The following MUC13 variants were observed in gnomAD, a reference collection of about 807,000 sequenced individuals.
The protein encoded by MUC13 is mucin-13.
A neutral mutation model predicts 48.3 loss-of-function variants in MUC13; 32 were observed. The ratio of observed to expected loss-of-function variants is 0.66; its 90% CI spans 0.50 to 0.89. The LOEUF (loss-of-function observed/expected upper bound fraction) is 0.89. Ranked by LOEUF, MUC13 falls within the 40% of genes least tolerant of loss-of-function variation. MUC13 has a pLI of 0.00. For missense variants in MUC13, 571 were observed against 622.8 expected, an observed-to-expected ratio of 0.92 and a Z score of 0.88; for synonymous variants, 199 against 224.9, an observed-to-expected ratio of 0.88 and a Z score of 1.03.
intron 1 of MUC13, among the ~76,000 whole-genome samples, chr3:124,931,268 TA>T (rs1935790616): frequency 6.6e-6 from 1 of 150,838 alleles, no homozygotes; most frequent in African/African-American, 2.4e-5. Context: ...CTGTCTCTAC[TA>T]AAAATACAAA....
At chr3:124,912,313 C>T (rs1304020680) in intron 8 of MUC13, 172 bp from the exon 9 acceptor site, 13 of 956,666 alleles carry the variant, frequency 1.4e-5, no homozygotes, top group Non-Finnish European at 2.0e-5. Context: ...TCCAGGAGAC[C>T]ACCTTCCATG....
intron 6 of MUC13, among the ~76,000 whole-genome samples, chr3:124,915,239 A>G (rs954153612): frequency 6.6e-6 from 1 of 152,154 alleles, no homozygotes; most frequent in Non-Finnish European, 1.5e-5. Context: ...TGGTGGGTTG[A>G]CTGCAGTCAT....
intron 4 of MUC13, among the ~76,000 whole-genome samples, chr3:124,920,754 C>T (rs1935580801): frequency 1.3e-5 from 2 of 152,236 alleles, no homozygotes; most frequent in Non-Finnish European, 1.5e-5. Context: ...GACCATTGCT[C>T]AGTAAAGCCA....
intron 6 of MUC13, among the ~76,000 whole-genome samples, chr3:124,915,394 A>C (rs150294683): frequency 2.6e-5 from 4 of 152,122 alleles, no homozygotes; most frequent in Non-Finnish European, 5.9e-5. Flanking sequence ...ATTGAATCTT[A>C]CCCTCTTGCT....
At chr3:124,912,828 C>T (rs984547997) in intron 8 of MUC13, among the ~76,000 whole-genome samples, 3 of 147,838 alleles carry the variant, frequency 2.0e-5, no homozygotes, top group African/African-American at 5.0e-5. Flanking sequence ...CCCAGCTACT[C>T]GGGAGGCTGA....
At position 124,922,308 on chromosome 3, in the gene MUC13, A is replaced by G. The variant is rs369186708; in HGVS notation, c.638-5T>C. ...TCTTCCCAGGGAATACCTTTCCTGA[A>G]AGTTAAGCAGAATCTTTCTGTACTA... On this transcript the variant is annotated splice_region_variant and splice_polypyrimidine_tract_variant and intron_variant, in intron 3 of 11. Coordinates refer to ENST00000616727, the MANE Select transcript of MUC13 (RefSeq NM_033049.4). 6.8e-6 allele frequency: 11 copies of G among 1,613,154 alleles called. No individual in the cohort carries two copies. Among genetic ancestry groups the G allele is most frequent in the Non-Finnish European group, 8.5e-6 (10 of 1,179,742 alleles).
At position 124,922,252 on chromosome 3, in the gene MUC13, G is replaced by T; in HGVS notation, c.689C>A (p.Pro230Gln). 6.2e-7 allele frequency: 1 copy of T among 1,614,080 alleles called. No homozygotes were observed. Among genetic ancestry groups the T allele is most frequent in the Non-Finnish European group, 8.5e-7 (1 of 1,179,996 alleles). Residue 230 changes from proline (P) to glutamine (Q), a missense_variant, in exon 4 of 12, where the codon CCA becomes CAA. By Grantham distance (76) the Pro-to-Gln change is moderately conservative. Coordinates refer to ENST00000616727, the MANE Select transcript of MUC13 (RefSeq NM_033049.4). The part of the protein sequence containing the change: ...ISVTVSETFD[P>Q]EEKHSMAYQD... ...ATAGGCCATGGAATGTTTCTCTTCT[G>T]GGTCAAATGTTTCTGATACTGTCAC...
chr3:124,916,017 C>T (rs1164359593), intron 6 of MUC13, among the ~76,000 whole-genome samples: 3 of 152,208 alleles, frequency 2.0e-5, no homozygotes, highest in Admixed American at 6.5e-5. Context: ...AATCTTTAAC[C>T]TGACATAAAG....
intron 5 of MUC13, among the ~76,000 whole-genome samples, chr3:124,918,299 T>C (rs1228419516): frequency 6.6e-6 from 1 of 152,212 alleles, no homozygotes; most frequent in Non-Finnish European, 1.5e-5. Flanking sequence ...GCATTTGCCC[T>C]GCACTGGCCC....
chr3:124,932,166 A>G (rs1935810264), intron 1 of MUC13, among the ~76,000 whole-genome samples: 1 of 152,240 alleles, frequency 6.6e-6, no homozygotes, highest in Admixed American at 6.5e-5. Flanking sequence ...TGGATGCTCA[A>G]TTTTTATTTC....
intron 5 of MUC13, among the ~76,000 whole-genome samples, chr3:124,919,953 A>G (rs1181446766): frequency 2.6e-5 from 4 of 152,216 alleles, no homozygotes; most frequent in Non-Finnish European, 5.9e-5. Context: ...ACAAACAAAG[A>G]GATCCAGATG....
chr3:124,934,440 G>T (rs1323381769), intron 1 of MUC13, among the ~76,000 whole-genome samples: 2 of 152,266 alleles, frequency 1.3e-5, no homozygotes, highest in African/African-American at 4.8e-5. Flanking sequence ...GATTACAGGC[G>T]TGAGCCACCG....
intron 6 of MUC13, 81 bp from the exon 7 acceptor site, chr3:124,913,762 T>G: frequency 6.5e-7 from 1 of 1,542,996 alleles, no homozygotes; most frequent in South Asian, 1.1e-5. Context: ...CCCACCCCAT[T>G]GCTGTTATAC....
At chr3:124,910,832 C>T (rs1935409496) in intron 9 of MUC13, among the ~76,000 whole-genome samples, 1 of 152,192 alleles carries the variant, frequency 6.6e-6, no homozygotes, top group Non-Finnish European at 1.5e-5. Context: ...GCTGCCTTTG[C>T]CTGCCCTCCA....
Position 124,913,640 on chromosome 3 carries a change from C to T in MUC13, c.1006G>A (p.Asp336Asn). The stretch of plus-strand genomic sequence containing the variant: ...CATGCTAAACCATTGAGGCAGTCAT[C>T]CGCAGTCTGGTTACAGCCATAATAA... ...CDYYGCNQTA[D>N]DCLNGLACDC... The change falls in exon 7 of 12, where the codon GAT (aspartate) becomes AAT (asparagine). Residue 336 changes from aspartate (D) to asparagine (N), a missense_variant. Asp to Asn is a conservative substitution (Grantham distance 23). Coordinates refer to ENST00000616727, the MANE Select transcript of MUC13 (RefSeq NM_033049.4). 6.2e-7 allele frequency: 1 copy of T among 1,614,164 alleles called. No individual in the cohort carries two copies. The highest frequency in any genetic ancestry group is 8.5e-7 in the Non-Finnish European group (1 of 1,180,016).
intron 8 of MUC13, among the ~76,000 whole-genome samples, chr3:124,912,532 A>G (rs1364588223): frequency 1.3e-5 from 2 of 152,198 alleles, no homozygotes; most frequent in Admixed American, 6.5e-5. Context: ...GATGTTATTT[A>G]CAATCAGTTT....
chr3:124,908,255 A>G lies in MUC13; in HGVS notation c.1431T>C (p.Leu477=). 1.2e-6 allele frequency: 2 copies of G among 1,614,164 alleles called. No individual in the cohort carries two copies. Among genetic ancestry groups the G allele is most frequent in the African/African-American group, 2.7e-5 (2 of 75,026 alleles). The change falls in exon 11 of 12, where the codon CTT becomes CTC. Residue 477 remains leucine (L), a synonymous_variant. Transcript: ENST00000616727. ...LKLRSTGFTN[L]GAEGSVFPKV... is the part of the protein sequence containing the mutation. ...TAGGAAAGACGCTCCCTTCTGCTCC[A>G]AGATTGGTGAAGCCTGTCGACCGCA... is the stretch of plus-strand genomic sequence containing the variant.
At chr3:124,911,164 A>G (rs1414428148) in intron 9 of MUC13, among the ~76,000 whole-genome samples, 4 of 152,166 alleles carry the variant, frequency 2.6e-5, no homozygotes, top group Admixed American at 6.5e-5. Flanking sequence ...CTTAAAATCA[A>G]CCTCATCTGT....
At position 124,927,824 on chromosome 3, in the gene MUC13, A is replaced by G. The variant is rs141273726; in HGVS notation, c.222T>C (p.Ile74=). ...GAATTGTGGAGGAACTATGTGTACT[A>G]ATTATGGGGGGAGCAGGTGAAGTAG... The part of the protein sequence containing the change: ...PTATSPAPPI[I]STHSSSTIPT... The change falls in exon 2 of 12, where the codon ATT becomes ATC. Residue 74 remains isoleucine, a synonymous_variant. Coordinates refer to ENST00000616727, the MANE Select transcript of MUC13 (RefSeq NM_033049.4). 9.7e-5 allele frequency: 157 copies of G among 1,613,632 alleles called. No homozygotes were observed. Among genetic ancestry groups the G allele is most frequent in the Middle Eastern group, 1.6e-4 (1 of 6,084 alleles).
Sources: allele counts gnomAD v4.1 joint callset (sites outside exome capture counted in the v4.1 genomes callset), GRCh38; gene constraint gnomAD v4.1.1; transcripts MANE v1.5; gene names NCBI Gene and HGNC (gene_info 2026-07-23, HGNC 2026-07-21).